SCN11A: variants seen among roughly 807,000 people sequenced by gnomAD.
SCN11A encodes sodium voltage-gated channel alpha subunit 11, also known as sodium channel protein type 11 subunit alpha.
In SCN11A, 122 loss-of-function variants were observed where a neutral mutation model predicts 162.2. That is an observed-to-expected ratio of 0.75 (90% CI 0.65 to 0.87). SCN11A has a LOEUF of 0.87. Ranked by LOEUF, SCN11A falls within the 40% of genes least tolerant of loss-of-function variation. SCN11A has a pLI of 0.00. For synonymous variants in SCN11A, 758 were observed against 751.5 expected, an observed-to-expected ratio of 1.01 and a Z score of -0.14; for missense variants, 2,015 against 2,181.6, an observed-to-expected ratio of 0.92 and a Z score of 1.52.
chr3:38,899,458 A>G (rs2065659174), intron 17 of SCN11A, among the ~76,000 whole-genome samples: 1 of 152,208 alleles, frequency 6.6e-6, no homozygotes, highest in Non-Finnish European at 1.5e-5. Context: ...ACCTGCCATC[A>G]GCTCCCCTGC....
Position 39,004,369 on chromosome 3 carries a change from C to T in SCN11A, c.-280+28011G>A, listed in dbSNP as rs1038948508. Among the ~76,000 whole-genome samples, 11 of 152,152 alleles carry T rather than the reference C, an allele frequency of 7.2e-5. No homozygotes were observed. The East Asian group carries it at 1.7e-3, about 24-fold the overall frequency. ...TATTTCTGGGCTCTCTATTCTGTTCCGCTGGTCTGTGTGCCTGTTTTTGTA... is the reference window on the plus strand; with the variant it reads ...TATTTCTGGGCTCTCTATTCTGTTCTGCTGGTCTGTGTGCCTGTTTTTGTA... On this transcript the variant is annotated intron_variant, in intron 2 of 29. Transcript: ENST00000302328.
Position 38,995,807 on chromosome 3 carries a change from A to ATCTATCTGTCTGTCTG in SCN11A, c.-279-35385_-279-35384insCAGACAGACAGATAGA, listed in dbSNP as rs1373121067. Among the ~76,000 whole-genome samples the ATCTATCTGTCTGTCTG allele has an allele frequency of 1.5e-3, 221 of 145,500 alleles. 3 individuals carry two copies. The highest frequency in any genetic ancestry group is 6.0e-3 in the African/African-American group (218 of 36,496). Reference sequence around the variant, plus strand: ...ATTTCTCACAATAAATTGTCTATCTATCTATCTATCTGTCTATCTATCTAT... The same window carrying ATCTATCTGTCTGTCTG: ...ATTTCTCACAATAAATTGTCTATCTATCTATCTGTCTGTCTGTCTATCTATCTGTCTATCTATCTAT... On this transcript the variant is annotated intron_variant, in intron 2 of 29. Coordinates refer to ENST00000302328, the MANE Select transcript of SCN11A (RefSeq NM_001349253.2).
chr3:38,920,019 C>T lies in SCN11A; in HGVS notation c.893-18G>A, dbSNP rs753889335. ...GCAATGGTCTGAGAGAGGAAAAAGT[C>T]ATAAATTCAGATTTTAAAAAAAACA... On this transcript the variant is annotated intron_variant, in intron 10 of 29. Coordinates refer to ENST00000302328, the MANE Select transcript of SCN11A (RefSeq NM_001349253.2). The T allele has an allele frequency of 2.5e-6, 4 of 1,585,018 alleles. No homozygotes were observed. Among genetic ancestry groups the T allele is most frequent in the Non-Finnish European group, 2.6e-6 (3 of 1,157,586 alleles).
At chr3:38,934,951 A>G (rs1360044097) in intron 7 of SCN11A, among the ~76,000 whole-genome samples, 1 of 151,436 alleles carries the variant, frequency 6.6e-6, no homozygotes, top group Admixed American at 6.6e-5. Context: ...CACCACACCT[A>G]TTCCAAAATT....
Position 38,871,816 on chromosome 3 carries a change from T to C in SCN11A, c.3496-108A>G, listed in dbSNP as rs534145551. 6 of 922,082 alleles carry C rather than the reference T, an allele frequency of 6.5e-6. No individual in the cohort carries two copies. The South Asian group carries it at 1.0e-4, about 16-fold the overall frequency. 57.1% of individuals were successfully genotyped at this position (922,082 alleles called of 1,614,324 possible). Reference sequence around the variant, plus strand: ...TGCAGGGCTTGATCTCTTGGAGCTCTGTCCTTAATCTCCACATACATGTGC... The same window carrying C: ...TGCAGGGCTTGATCTCTTGGAGCTCCGTCCTTAATCTCCACATACATGTGC... On this transcript the variant is annotated intron_variant, in intron 24 of 29. Transcript: ENST00000302328.
intron 2 of SCN11A, among the ~76,000 whole-genome samples, chr3:39,024,564 A>C (rs2031538066): frequency 6.6e-6 from 1 of 152,256 alleles, no homozygotes; most frequent in Non-Finnish European, 1.5e-5. Flanking sequence ...GGCAGGTCAC[A>C]GAAACCAGAA....
intron 14 of SCN11A, among the ~76,000 whole-genome samples, chr3:38,905,950 T>C (rs1179134331): frequency 1.3e-5 from 2 of 152,222 alleles, no homozygotes; most frequent in Admixed American, 6.5e-5. Context: ...CCTCCAGCTA[T>C]CCAGAAAATT....
chr3:38,903,956 G>C lies in SCN11A; in HGVS notation c.1751C>G (p.Thr584Ser), dbSNP rs2065746319. ...MTDPFTELAI[T>S]ICIIINTVFL... ...GACAGTGTTGATGATGATGCAGATG[G>C]TGATGGCCAGCTCAGTAAACGGGTC... The change falls in exon 16 of 30, where the codon ACC becomes AGC. Residue 584 changes from threonine (T) to serine (S), a missense_variant. Thr to Ser is a moderately conservative substitution (Grantham distance 58). Transcript: ENST00000302328. 1 of 1,614,072 alleles carries C rather than the reference G, an allele frequency of 6.2e-7. No homozygotes were observed.
rs945518884 is a variant in SCN11A at position 38,950,271 on chromosome 3, A to G, written c.92T>C (p.Ile31Thr). The G allele has an allele frequency of 1.2e-6, 2 of 1,613,796 alleles. No homozygotes were observed. Among genetic ancestry groups the G allele is most frequent in the South Asian group, 1.1e-5 (1 of 91,066 alleles). ...SDSLAAIEKR[I>T]AIQKEKKKSK... Reference sequence around the variant, plus strand: ...CTTCTTTTTCTCCTTTTGGATGGCAATCCGCTTCTCAATTGCAGCCAGAGA... The same window carrying G: ...CTTCTTTTTCTCCTTTTGGATGGCAGTCCGCTTCTCAATTGCAGCCAGAGA... Residue 31 changes from isoleucine to threonine, a missense_variant, in exon 5 of 30, where the codon ATT becomes ACT. Transcript: ENST00000302328.
intron 2 of SCN11A, among the ~76,000 whole-genome samples, chr3:38,997,179 C>T (rs1242626499): frequency 6.6e-6 from 1 of 152,194 alleles, no homozygotes; most frequent in Non-Finnish European, 1.5e-5. Context: ...ACCTCAATGA[C>T]CTCCAAAGCC....
At chr3:38,856,037 C>T (rs2064863517) in intron 28 of SCN11A, among the ~76,000 whole-genome samples, 1 of 152,186 alleles carries the variant, frequency 6.6e-6, no homozygotes, top group African/African-American at 2.4e-5. Flanking sequence ...CAGGGGATCA[C>T]CCTGTGGGAC....
At chr3:38,952,624 G>C (rs1222635123) in intron 4 of SCN11A, among the ~76,000 whole-genome samples, 1 of 152,252 alleles carries the variant, frequency 6.6e-6, no homozygotes, top group African/African-American at 2.4e-5. Context: ...CTACTACAGA[G>C]AGAAGTAGTG....
intron 26 of SCN11A, among the ~76,000 whole-genome samples, chr3:38,869,280 TC>T (rs1178693551): frequency 6.6e-6 from 1 of 152,030 alleles, no homozygotes; most frequent in Non-Finnish European, 1.5e-5. Context: ...CATCTCCACC[TC>T]CGCACAGATG....
At chr3:38,886,387 G>A in intron 19 of SCN11A, 149 bp from the exon 20 acceptor site, 1 of 479,222 alleles carries the variant, frequency 2.1e-6, no homozygotes. Context: ...AACTGCTCCT[G>A]GAAAAACTCA....
chr3:38,931,181 T>C (rs567901164), intron 7 of SCN11A, among the ~76,000 whole-genome samples: 26 of 152,340 alleles, frequency 1.7e-4, no homozygotes, highest in African/African-American at 6.0e-4. Flanking sequence ...CCCAAGGACA[T>C]TGCCAGGATG....
In SCN11A at chr3:38,913,289, A is replaced by C. The variant is rs534433381; in HGVS notation, c.960-3082T>G. 5.3e-5 allele frequency among the ~76,000 whole-genome samples: 8 copies of C among 152,248 alleles called. No homozygotes were observed. The South Asian group carries it at 1.5e-3, about 28-fold the overall frequency. On this transcript the variant is annotated intron_variant, in intron 11 of 29. Transcript: ENST00000302328. ...GGCTGCATGTAAGTCTTCTTTAAAAAAAAAGTCTATTCATGTCCTTTGCCC... is the reference window on the plus strand; with the variant it reads ...GGCTGCATGTAAGTCTTCTTTAAAACAAAAGTCTATTCATGTCCTTTGCCC...
At chr3:38,895,700 CTG>C (rs2065585287) in intron 18 of SCN11A, among the ~76,000 whole-genome samples, 1 of 152,168 alleles carries the variant, frequency 6.6e-6, no homozygotes, top group South Asian at 2.1e-4. Flanking sequence ...CTCAGCTGCA[CTG>C]TGAGAATTCC....
At chr3:38,937,382 T>G (rs1423017825) in intron 7 of SCN11A, among the ~76,000 whole-genome samples, 1 of 149,536 alleles carries the variant, frequency 6.7e-6, no homozygotes, top group Non-Finnish European at 1.5e-5. Context: ...GGGATCTAAT[T>G]AAACTAAAGA....
intron 2 of SCN11A, among the ~76,000 whole-genome samples, chr3:38,994,641 T>C (rs1297279894): frequency 6.6e-6 from 1 of 152,212 alleles, no homozygotes; most frequent in East Asian, 1.9e-4. Context: ...CCTGAGGAAG[T>C]TGGCCTAAGT....
Sources: gnomAD v4.1 joint callset for allele counts (sites outside exome capture counted in the v4.1 genomes callset) on GRCh38, gnomAD v4.1.1 for gene constraint, MANE v1.5 for transcripts, NCBI Gene and HGNC (gene_info 2026-07-23, HGNC 2026-07-21) for gene names.